Variants in TENM2 observed in about 807,000 individuals in gnomAD.
TENM2 encodes the protein teneurin-2.
TENM2 carries 52 observed loss-of-function variants against 245.2 expected under a neutral mutation model. The observed-to-expected ratio is 0.21, with a 90% CI of 0.17 to 0.27. The LOEUF is 0.27. Ranked by LOEUF, TENM2 falls within the 10% of genes least tolerant of loss-of-function variation. The pLI is 1.00. For missense variants in TENM2, 3,046 were observed against 3,666.8 expected (o/e 0.83, Z 4.37); for synonymous variants, 1,363 against 1,438.9 (o/e 0.95, Z 1.19).
At chr5:167,221,979 A>G in the TENM2 span, among the ~76,000 whole-genome samples, 1 of 152,200 alleles carries the variant, frequency 6.6e-6, no homozygotes, top group Non-Finnish European at 1.5e-5. Flanking sequence ...TTGATATTTC[A>G]TATTTAAGGA....
At chr5:167,227,684 A>T in the TENM2 span, among the ~76,000 whole-genome samples, 1 of 152,098 alleles carries the variant, frequency 6.6e-6, no homozygotes, top group Non-Finnish European at 1.5e-5. Flanking sequence ...ACTGTTTTAG[A>T]TTTCTCTTTG....
chr5:167,789,313 A>C, intron 2 of TENM2, among the ~76,000 whole-genome samples: 1 of 152,192 alleles, frequency 6.6e-6, no homozygotes, highest in East Asian at 1.9e-4. Context: ...CCCAAGTAAG[A>C]GCTACCCATT....
chr5:167,264,950 T>C, the TENM2 span, among the ~76,000 whole-genome samples: 1 of 152,108 alleles, frequency 6.6e-6, no homozygotes, highest in African/African-American at 2.4e-5. Flanking sequence ...GATTTTGTTA[T>C]CTAAAGCAGC....
At chr5:167,739,900 G>A (rs1242847650) in intron 2 of TENM2, among the ~76,000 whole-genome samples, 1 of 152,168 alleles carries the variant, frequency 6.6e-6, no homozygotes, top group African/African-American at 2.4e-5. Flanking sequence ...AGCAATATGT[G>A]ATAACTAATT....
At chr5:168,245,880 A>G (rs977724195) in intron 26 of TENM2, among the ~76,000 whole-genome samples, 2 of 151,930 alleles carry the variant, frequency 1.3e-5, no homozygotes, top group African/African-American at 4.8e-5. Context: ...AATTGAAGTC[A>G]TTTTTTTCCC....
intron 2 of TENM2, among the ~76,000 whole-genome samples, chr5:167,584,889 T>C (rs1054307664): frequency 6.6e-6 from 1 of 152,088 alleles, no homozygotes; most frequent in African/African-American, 2.4e-5. Flanking sequence ...GATTTGGGGC[T>C]ACACCTAAGC....
intron 2 of TENM2, among the ~76,000 whole-genome samples, chr5:167,809,441 G>A (rs1766467530): frequency 6.6e-6 from 1 of 152,132 alleles, no homozygotes; most frequent in African/African-American, 2.4e-5. Context: ...TGCTGCAGGA[G>A]AGCAGGAGGT....
intron 3 of TENM2, among the ~76,000 whole-genome samples, chr5:167,902,645 G>A (rs982520279): frequency 1.3e-5 from 2 of 152,226 alleles, no homozygotes; most frequent in Admixed American, 6.5e-5. Context: ...TATAAATAAA[G>A]TGTTATGGCA....
At chr5:167,160,976 T>C in the TENM2 span, among the ~76,000 whole-genome samples, 55 of 152,188 alleles carry the variant, frequency 3.6e-4, no homozygotes, top group East Asian at 9.7e-3. Context: ...AACCCTTGTA[T>C]TTTCAATATG....
chr5:168,167,217 TTTAA>T (rs1480868594), intron 13 of TENM2, among the ~76,000 whole-genome samples: 6 of 152,144 alleles, frequency 3.9e-5, no homozygotes, highest in Non-Finnish European at 5.9e-5. Flanking sequence ...GCGGATAATA[TTTAA>T]TTATCACCAC....
At chr5:167,146,882 G>T in the TENM2 span, among the ~76,000 whole-genome samples, 10 of 152,022 alleles carry the variant, frequency 6.6e-5, no homozygotes, top group Non-Finnish European at 1.5e-5. Flanking sequence ...TAAAAAAAAT[G>T]AAACAATCAT....
At chr5:167,050,761 A>G in the TENM2 span, among the ~76,000 whole-genome samples, 1 of 152,074 alleles carries the variant, frequency 6.6e-6, no homozygotes, top group Admixed American at 6.5e-5. Flanking sequence ...CAGTGTCACT[A>G]CCCTTAGTGA....
chr5:167,240,400 C>G, the TENM2 span, among the ~76,000 whole-genome samples: 1 of 151,898 alleles, frequency 6.6e-6, no homozygotes, highest in Non-Finnish European at 1.5e-5. Flanking sequence ...CTTCAGCAAG[C>G]TTTCTTATTT....
chr5:167,359,708 A>G (rs926933577), intron 1 of TENM2, among the ~76,000 whole-genome samples: 4 of 152,162 alleles, frequency 2.6e-5, no homozygotes, highest in Non-Finnish European at 5.9e-5. Flanking sequence ...TGGGTTTTAC[A>G]TTCAAGTCTT....
At chr5:167,858,284 GCAAGTCTT>G (rs1322213338) in intron 2 of TENM2, among the ~76,000 whole-genome samples, 7 of 152,258 alleles carry the variant, frequency 4.6e-5, no homozygotes, top group Admixed American at 2.6e-4. Flanking sequence ...GAGGAAGTCT[GCAAGTCTT>G]CATAAGAAGA....
intron 2 of TENM2, among the ~76,000 whole-genome samples, chr5:167,801,151 T>G (rs1389589333): frequency 1.1e-5 from 1 of 88,028 alleles, no homozygotes; most frequent in Non-Finnish European, 2.2e-5. Context: ...TATATATATA[T>G]ATGTATATAT....
At chr5:167,859,349 C>G in intron 2 of TENM2, among the ~76,000 whole-genome samples, 1 of 147,600 alleles carries the variant, frequency 6.8e-6, no homozygotes, top group Non-Finnish European at 1.5e-5. Context: ...AGCGTCTCCG[C>G]CCGGCAGCCA....
chr5:167,044,613 C>G, the TENM2 span, among the ~76,000 whole-genome samples: 1 of 152,258 alleles, frequency 6.6e-6, no homozygotes, highest in South Asian at 2.1e-4. Context: ...AGGTAGACCA[C>G]TGAGTGACAC....
rs1348087683 is a variant in TENM2 at position 167,353,490 on chromosome 5, TG to T, written c.227-21707del. ...GTGAATAGTATATGGTGTTTTTTGT[TG>T]TTGTTGTTGTTTTTTTTTTTTTTTT... On this transcript the variant is annotated intron_variant, in intron 1 of 28. Coordinates refer to ENST00000518659, the Ensembl canonical transcript of TENM2. Among the ~76,000 whole-genome samples, 13 of 90,782 alleles carry T rather than the reference TG, an allele frequency of 1.4e-4. 1 individual carries two copies. The highest frequency in any genetic ancestry group is 5.1e-3 in the Middle Eastern group (1 of 198). The allele number at this position is 90,782 out of a possible 152,430, so 59.6% of individuals were successfully genotyped here.
Sources: gnomAD v4.1 joint callset for allele counts (sites outside exome capture counted in the v4.1 genomes callset) on GRCh38, gnomAD v4.1.1 for gene constraint, MANE v1.5 for transcripts, NCBI Gene and HGNC (gene_info 2026-07-23, HGNC 2026-07-21) for gene names.